Variants in NEBL observed in about 807,000 individuals in gnomAD.
NEBL encodes LIM and SH3 protein 2.
In NEBL, 122 loss-of-function variants were observed where a neutral mutation model predicts 140.2. The observed-to-expected ratio is 0.87, with a 90% CI of 0.75 to 1.01. The LOEUF is 1.01. Ranked by LOEUF, NEBL falls within the 50% of genes least tolerant of loss-of-function variation. The pLI is 0.00. For missense variants in NEBL, 1,365 were observed against 1,231.3 expected (o/e 1.11, Z -1.62); for synonymous variants, 436 against 398.9 (o/e 1.09, Z -1.11).
chr10:20,941,705 C>T (rs979636432), intron 4 of NEBL, among the ~76,000 whole-genome samples: 4 of 151,890 alleles, frequency 2.6e-5, no homozygotes, highest in African/African-American at 9.7e-5. Context: ...AGCCCAAAAC[C>T]TCCTTAATTA....
At chr10:20,799,005 C>T (rs1437908946) in intron 26 of NEBL, among the ~76,000 whole-genome samples, 4 of 152,142 alleles carry the variant, frequency 2.6e-5, no homozygotes, top group South Asian at 4.1e-4. Context: ...ACAGAATGAA[C>T]GAATACTTGC....
Position 21,079,697 on chromosome 10 carries a change from T to C in NEBL, c.165-59496A>G, listed in dbSNP as rs1836280478. Among the ~76,000 whole-genome samples, 3 of 152,330 alleles carry C rather than the reference T, an allele frequency of 2.0e-5. No individual in the cohort carries two copies. The South Asian group carries it at 6.2e-4, about 32-fold the overall frequency. Reference sequence around the variant, plus strand: ...CCTATCTGCCCCGTAAACACACAGATTGAGCTGCATATTCCTTTATTTATT... The same window carrying C: ...CCTATCTGCCCCGTAAACACACAGACTGAGCTGCATATTCCTTTATTTATT... On this transcript the variant is annotated intron_variant, in intron 2 of 6. Transcript: ENST00000417816.
At chr10:21,185,732 G>A (rs770557733) in intron 3 of NEBL, among the ~76,000 whole-genome samples, 2 of 151,916 alleles carry the variant, frequency 1.3e-5, no homozygotes, top group Non-Finnish European at 2.9e-5. Context: ...CCTGACCTCA[G>A]TTGATCCACC....
Position 20,868,667 on chromosome 10 carries a change from A to C in NEBL, c.681T>G (p.Ser227Arg), listed in dbSNP as rs1348064235. Residue 227 changes from serine to arginine, a missense_variant, in exon 7 of 28, where the codon AGT (serine) becomes AGG (arginine). Transcript: ENST00000377122. ...GGAATCATCACTAAAGCCTTACTTG[A>C]CTAGAAAGTTTAGAAGCTTCCACGG... Reference protein sequence around the residue: ...EHAVEASKLSSQIKYKEKFDN... With the variant: ...EHAVEASKLSRQIKYKEKFDN... 1.9e-6 allele frequency: 3 copies of C among 1,597,466 alleles called. No individual in the cohort carries two copies. Among genetic ancestry groups the C allele is most frequent in the Middle Eastern group, 1.7e-4 (1 of 6,022 alleles).
At chr10:21,266,445 A>T (rs1194492708) in intron 1 of NEBL, among the ~76,000 whole-genome samples, 1 of 152,130 alleles carries the variant, frequency 6.6e-6, no homozygotes, top group East Asian at 1.9e-4. Flanking sequence ...CATACAGCTC[A>T]TTACTCACGG....
intron 3 of NEBL, among the ~76,000 whole-genome samples, chr10:21,203,886 A>G (rs1051122036): frequency 3.3e-5 from 5 of 151,882 alleles, no homozygotes; most frequent in Non-Finnish European, 5.9e-5. Flanking sequence ...GCCCACCCCT[A>G]CCAGACCTGA....
chr10:20,809,954 A>AG (rs1413906825), intron 24 of NEBL, 56 bp from the exon 25 acceptor site: 2 of 1,264,582 alleles, frequency 1.6e-6, no homozygotes, highest in East Asian at 4.7e-5. Flanking sequence ...AAAAAGGAAA[A>AG]AAAAAAAAAA....
At chr10:20,873,768 C>G (rs1298666511) in intron 5 of NEBL, among the ~76,000 whole-genome samples, 2 of 151,996 alleles carry the variant, frequency 1.3e-5, no homozygotes, top group Non-Finnish European at 2.9e-5. Context: ...GTCAATTCCA[C>G]AAAACAAATA....
At chr10:21,153,188 TC>T (rs545159172) in intron 2 of NEBL, among the ~76,000 whole-genome samples, 271 of 152,302 alleles carry the variant, frequency 1.8e-3, no homozygotes, top group African/African-American at 5.9e-3. Flanking sequence ...CAATATTATC[TC>T]CCATTTCACA....
rs763064801 is a variant in NEBL at position 21,186,661 on chromosome 10, C to CT, written n.349-14185dup. ...AAAACATTATGAGAATTGTTTGCGA[C>CT]TTTTTTTTTTTTTTTAGTTCATCAG... is the stretch of plus-strand genomic sequence containing the variant. On this transcript the variant is annotated intron_variant and non_coding_transcript_variant, in intron 3 of 8. Transcript: ENST00000675702. Among the ~76,000 whole-genome samples, 1,015 of 140,900 alleles carry CT rather than the reference C, an allele frequency of 7.2e-3. 13 individuals are homozygous for CT. Among genetic ancestry groups the CT allele is most frequent in the African/African-American group, 0.022 (837 of 38,544 alleles). The allele number at this position is 140,900 out of a possible 152,430, so 92.4% of individuals were successfully genotyped here. A position where few individuals can be genotyped will look rare whatever the true frequency, so the allele number is the denominator to read the frequency against.
rs368491819 is a variant in NEBL at position 20,897,170 on chromosome 10, T to G, written c.36A>C (p.Glu12Asp). The G allele has an allele frequency of 6.8e-6, 11 of 1,606,658 alleles. No homozygotes were observed. The highest frequency in any genetic ancestry group is 9.4e-6 in the Non-Finnish European group (11 of 1,173,910). The change falls in exon 1 of 28, where the codon GAA becomes GAC. Residue 12 changes from glutamate to aspartate, a missense_variant. Transcript: ENST00000377122. Reference protein sequence around the residue: ...RVPVFEDIKDETEEEKIGEEE... With the variant: ...RVPVFEDIKDDTEEEKIGEEE... ...CTTCCCCTATCTTTTCTTCTTCAGT[T>G]TCATCTTTTATATCCTCAAATACAG...
intron 2 of NEBL, among the ~76,000 whole-genome samples, chr10:21,041,054 C>T (rs1236975991): frequency 6.6e-6 from 1 of 152,164 alleles, no homozygotes; most frequent in East Asian, 1.9e-4. Context: ...AGAACTAACA[C>T]ACTTTCCAAC....
intron 4 of NEBL, among the ~76,000 whole-genome samples, chr10:20,912,841 T>A (rs1010769929): frequency 6.6e-6 from 1 of 151,988 alleles, no homozygotes; most frequent in Non-Finnish European, 1.5e-5. Flanking sequence ...CCCTATGCCA[T>A]GCTGAACTTG....
chr10:21,134,870 G>A (rs547733737), intron 2 of NEBL, among the ~76,000 whole-genome samples: 1 of 152,296 alleles, frequency 6.6e-6, no homozygotes, highest in Admixed American at 6.5e-5. Context: ...ATGCTGCCGT[G>A]CTTAAAACAG....
upstream of NEBL, among the ~76,000 whole-genome samples, chr10:20,901,740 T>A (rs551485882): frequency 1.4e-4 from 21 of 152,348 alleles, no homozygotes; most frequent in African/African-American, 4.6e-4. Flanking sequence ...TCATTTTTTG[T>A]TGCCTGGTTT....
chr10:20,935,194 G>C lies in NEBL; in HGVS notation c.357+26478C>G, dbSNP rs557933365. On this transcript the variant is annotated intron_variant, in intron 4 of 6. Transcript: ENST00000417816. ...TAAGCATTATAAAAGTCACCCCGAG[G>C]AAGCATCCACCATCTCCTCTCAGAT... is the stretch of plus-strand genomic sequence containing the variant. Among the ~76,000 whole-genome samples, 18 of 152,248 alleles carry C rather than the reference G, an allele frequency of 1.2e-4. No individual in the cohort carries two copies. The South Asian group carries it at 3.7e-3, about 32-fold the overall frequency.
upstream of NEBL, among the ~76,000 whole-genome samples, chr10:21,177,983 C>A (rs576303305): frequency 3.0e-4 from 45 of 152,228 alleles, no homozygotes; most frequent in South Asian, 8.3e-3. Flanking sequence ...GTATGTTGTT[C>A]CTAGCTGACT....
In NEBL at chr10:20,944,793, G is replaced by A. The variant is rs149791668; in HGVS notation, c.357+16879C>T. Among the ~76,000 whole-genome samples, 149 of 152,170 alleles carry A rather than the reference G, an allele frequency of 9.8e-4. 1 individual carries two copies. In the South Asian group the frequency reaches 0.015, roughly 15 times the overall value. On this transcript the variant is annotated intron_variant, in intron 4 of 6. Coordinates refer to the NEBL transcript ENST00000417816. ...TTAGTTGTTTAATTGGCATTGCTTCGACATACAGAGATACAAGAAATCATA... is the reference window on the plus strand; with the variant it reads ...TTAGTTGTTTAATTGGCATTGCTTCAACATACAGAGATACAAGAAATCATA...
chr10:21,148,645 C>A (rs984858353), intron 2 of NEBL, among the ~76,000 whole-genome samples: 3 of 152,168 alleles, frequency 2.0e-5, no homozygotes, highest in African/African-American at 7.2e-5. Context: ...CCTGCCTCAG[C>A]CTCCCGAGTA....
Sources: allele counts gnomAD v4.1 joint callset (sites outside exome capture counted in the v4.1 genomes callset), GRCh38; gene constraint gnomAD v4.1.1; transcripts MANE v1.5; gene names NCBI Gene and HGNC (gene_info 2026-07-23, HGNC 2026-07-21).